The following CDH20 variants were observed in gnomAD, a reference collection of about 807,000 sequenced individuals.
CDH20 encodes cadherin-20.
CDH20 carries 29 observed loss-of-function variants against 74.2 expected under a neutral mutation model. The ratio of observed to expected loss-of-function variants is 0.39; its 90% CI spans 0.29 to 0.53. The LOEUF is 0.53. CDH20 is among the 20% of genes least tolerant of loss of function. CDH20 has a pLI of 0.69. For synonymous variants in CDH20, 469 were observed against 405.4 expected, an observed-to-expected ratio of 1.16 and a Z score of -1.88; for missense variants, 988 against 1,048.3, an observed-to-expected ratio of 0.94 and a Z score of 0.79.
intron 1 of CDH20, among the ~76,000 whole-genome samples, chr18:61,347,345 CA>C (rs1568104204): frequency 1.3e-4 from 18 of 139,100 alleles, no homozygotes; most frequent in African/African-American, 5.2e-4. Flanking sequence ...CACACACACA[CA>C]CACACATATA....
At chr18:61,420,022 T>G (rs1912822888) in intron 1 of CDH20, among the ~76,000 whole-genome samples, 1 of 152,172 alleles carries the variant, frequency 6.6e-6, no homozygotes, top group African/African-American at 2.4e-5. Context: ...CATTAATCAT[T>G]TATTAATGCA....
At chr18:61,533,568 A>G (rs565050981) in intron 7 of CDH20, among the ~76,000 whole-genome samples, 28 of 152,256 alleles carry the variant, frequency 1.8e-4, no homozygotes, top group Middle Eastern at 3.4e-3. Flanking sequence ...TTTTCTCCCA[A>G]TCTGTGGGTT....
intron 1 of CDH20, among the ~76,000 whole-genome samples, chr18:61,386,115 G>A (rs1911591396): frequency 6.6e-6 from 1 of 151,886 alleles, no homozygotes; most frequent in African/African-American, 2.4e-5. Flanking sequence ...CTTGTAAAAG[G>A]GTAAATGTTT....
chr18:61,431,322 T>A lies in CDH20; in HGVS notation c.-152-59080T>A, dbSNP rs1011257051. On this transcript the variant is annotated intron_variant, in intron 1 of 11. Coordinates refer to ENST00000262717, the MANE Select transcript of CDH20 (RefSeq NM_031891.4). ...TGAGAAACGAAAGAAATATCATGACTAAATGTAGCCTGGATGAGATCCTGG... is the reference window on the plus strand; with the variant it reads ...TGAGAAACGAAAGAAATATCATGACAAAATGTAGCCTGGATGAGATCCTGG... Among the ~76,000 whole-genome samples, 5 of 152,164 alleles carry A rather than the reference T, an allele frequency of 3.3e-5. No individual in the cohort carries two copies. In the South Asian group the frequency reaches 8.3e-4, roughly 25 times the overall value.
chr18:61,490,024 A>G (rs1311120926), intron 1 of CDH20, among the ~76,000 whole-genome samples: 1 of 152,156 alleles, frequency 6.6e-6, no homozygotes, highest in African/African-American at 2.4e-5. Flanking sequence ...TTAGCTGTAA[A>G]TTTTGTAAAT....
intron 1 of CDH20, among the ~76,000 whole-genome samples, chr18:61,456,600 A>C (rs1324248918): frequency 3.3e-5 from 5 of 152,182 alleles, no homozygotes; most frequent in Non-Finnish European, 5.9e-5. Flanking sequence ...TTTTAGCCAC[A>C]AAAACCTAGT....
intron 9 of CDH20, among the ~76,000 whole-genome samples, chr18:61,543,429 C>T (rs1206871520): frequency 1.2e-4 from 18 of 152,182 alleles, no homozygotes; most frequent in South Asian, 2.1e-4. Context: ...AGGAGGCTGC[C>T]GTTCAATGCC....
At chr18:61,486,848 G>A (rs1473791743) in intron 1 of CDH20, among the ~76,000 whole-genome samples, 1 of 152,170 alleles carries the variant, frequency 6.6e-6, no homozygotes, top group Non-Finnish European at 1.5e-5. Flanking sequence ...CTAAGCAGTA[G>A]TTCCATTAAC....
intron 1 of CDH20, among the ~76,000 whole-genome samples, chr18:61,471,582 T>C (rs746713377): frequency 6.6e-6 from 1 of 152,170 alleles, no homozygotes; most frequent in Non-Finnish European, 1.5e-5. Context: ...GGATGAATCA[T>C]TAGAGAATGA....
chr18:61,428,903 T>G lies in CDH20; in HGVS notation c.-152-61499T>G, dbSNP rs1169155883. Among the ~76,000 whole-genome samples, 3 of 152,234 alleles carry G rather than the reference T, an allele frequency of 2.0e-5. No individual in the cohort carries two copies. In the South Asian group the frequency reaches 6.2e-4, roughly 32 times the overall value. ...TACAGGTTTACGCTAGAACACCTAT[T>G]CAAGAATATGCCAAGGCTCAACCAT... On this transcript the variant is annotated intron_variant, in intron 1 of 11. Transcript: ENST00000262717.
In CDH20 at chr18:61,554,411, C is replaced by T. The variant is rs891145175; in HGVS notation, c.2122C>T (p.Leu708Phe). 1.2e-5 allele frequency: 20 copies of T among 1,613,050 alleles called. No homozygotes were observed. Among genetic ancestry groups the T allele is most frequent in the South Asian group, 3.3e-5 (3 of 91,064 alleles). The stretch of plus-strand genomic sequence containing the variant: ...GGACATGCTGCCCGAGATCGAGAGC[C>T]TCTCCCGCTACGTGCCTCAGACGTG... ...RQDMLPEIESLSRYVPQTCAV... is the reference protein window; with the variant it reads ...RQDMLPEIESFSRYVPQTCAV... Residue 708 changes from leucine (L) to phenylalanine (F), a missense_variant, in exon 12 of 12, where the codon CTC becomes TTC. Coordinates refer to ENST00000262717, the MANE Select transcript of CDH20 (RefSeq NM_031891.4).
intron 1 of CDH20, among the ~76,000 whole-genome samples, chr18:61,423,732 C>A (rs1053805478): frequency 7.2e-5 from 11 of 152,136 alleles, no homozygotes; most frequent in Admixed American, 5.9e-4. Context: ...GCTTTTTGAA[C>A]TCATTCTATA....
intron 1 of CDH20, among the ~76,000 whole-genome samples, chr18:61,445,305 A>G (rs1374199797): frequency 6.8e-6 from 1 of 147,740 alleles, no homozygotes; most frequent in Non-Finnish European, 1.5e-5. Context: ...CTCCATTTAC[A>G]CAAAAAAAAT....
chr18:61,380,691 C>T (rs927488834), intron 1 of CDH20, among the ~76,000 whole-genome samples: 2 of 152,150 alleles, frequency 1.3e-5, no homozygotes, highest in Admixed American at 6.5e-5. Context: ...TGCCTGTAAT[C>T]CCAGCTACTT....
chr18:61,441,682 A>G (rs1909038415), intron 1 of CDH20, among the ~76,000 whole-genome samples: 1 of 152,192 alleles, frequency 6.6e-6, no homozygotes, highest in South Asian at 2.1e-4. Flanking sequence ...AGCTTTGGTC[A>G]TTCCTTTATT....
chr18:61,460,108 C>T (rs987144208), intron 1 of CDH20, among the ~76,000 whole-genome samples: 1 of 152,138 alleles, frequency 6.6e-6, no homozygotes, highest in Non-Finnish European at 1.5e-5. Context: ...AAAAAATGAC[C>T]TAAATTCAGT....
intron 1 of CDH20, among the ~76,000 whole-genome samples, chr18:61,359,091 A>T (rs1463802504): frequency 6.6e-6 from 1 of 152,212 alleles, no homozygotes; most frequent in African/African-American, 2.4e-5. Flanking sequence ...ACATTCTACT[A>T]TCAGACAAAT....
intron 6 of CDH20, among the ~76,000 whole-genome samples, chr18:61,514,811 TG>T (rs1911928177): frequency 6.6e-6 from 1 of 151,978 alleles, no homozygotes; most frequent in Admixed American, 6.5e-5. Context: ...TTAGGCTGCT[TG>T]GGGGTCAGGG....
At chr18:61,357,255 A>C (rs1450256380) in intron 1 of CDH20, among the ~76,000 whole-genome samples, 2 of 152,198 alleles carry the variant, frequency 1.3e-5, no homozygotes, top group African/African-American at 4.8e-5. Context: ...TTACCATGGC[A>C]AATATAAACC....
Sources: allele counts gnomAD v4.1 joint callset (sites outside exome capture counted in the v4.1 genomes callset), GRCh38; gene constraint gnomAD v4.1.1; transcripts MANE v1.5; gene names NCBI Gene and HGNC (gene_info 2026-07-23, HGNC 2026-07-21).